The following PIK3CB variants were observed in gnomAD, a reference collection of about 807,000 sequenced individuals.
PIK3CB encodes the protein phosphatidylinositol 4,5-bisphosphate 3-kinase catalytic subunit beta isoform.
A neutral mutation model predicts 136.8 loss-of-function variants in PIK3CB; 39 were observed. The observed-to-expected ratio is 0.29, with a 90% CI of 0.22 to 0.37. The LOEUF (loss-of-function observed/expected upper bound fraction) is 0.37, where lower values mean the gene tolerates loss of function less well. PIK3CB is among the 10% of genes least tolerant of loss of function. PIK3CB has a pLI of 1.00. For synonymous variants in PIK3CB, 428 were observed against 436.6 expected, an observed-to-expected ratio of 0.98 and a Z score of 0.25; for missense variants, 868 against 1,275.4, an observed-to-expected ratio of 0.68 and a Z score of 4.87.
At chr3:138,669,405 T>C (rs361093) in intron 19 of PIK3CB, among the ~76,000 whole-genome samples, 69,854 of 116,930 alleles carry the variant, frequency 0.6, 20,804 homozygotes, top group East Asian at 0.98. Flanking sequence ...GAGACCCTGT[T>C]TCAAAAAAAA....
In PIK3CB at chr3:138,826,039, T is replaced by C; in HGVS notation, c.-122+8656A>G. ...CCACTGTACTGGATTGTCACACAGC[T>C]TACACAGCTTGCAAGTTTGCTGACC... On this transcript the variant is annotated intron_variant, in intron 1 of 23. Coordinates refer to ENST00000674063, the MANE Select transcript of PIK3CB (RefSeq NM_006219.3). 6 of 1,325,656 alleles carry C rather than the reference T, an allele frequency of 4.5e-6. No homozygotes were observed. The South Asian group carries it at 7.4e-5, about 16-fold the overall frequency. The allele number at this position is 1,325,656 out of a possible 1,614,324, so 82.1% of individuals were successfully genotyped here. A position where few individuals can be genotyped will look rare whatever the true frequency, so the allele number is the denominator to read the frequency against.
intron 21 of PIK3CB, among the ~76,000 whole-genome samples, chr3:138,662,117 T>C (rs1330720427): frequency 3.3e-5 from 5 of 151,710 alleles, no homozygotes; most frequent in Non-Finnish European, 5.9e-5. Context: ...GGTAATCTTT[T>C]TTTTTTTTTT....
chr3:138,693,936 AAT>A (rs1179221176), intron 14 of PIK3CB, among the ~76,000 whole-genome samples: 7,297 of 64,286 alleles, frequency 0.11, 563 homozygotes, highest in South Asian at 0.26. Context: ...ATTTGCTTAA[AAT>A]ATATATATAT....
At chr3:138,829,887 T>A (rs189261238) in intron 1 of PIK3CB, among the ~76,000 whole-genome samples, 115 of 152,144 alleles carry the variant, frequency 7.6e-4, no homozygotes, top group African/African-American at 2.6e-3. Context: ...ACAGACGAAA[T>A]GAAGGTGTCA....
At chr3:138,787,658 CA>C (rs2045996663) in intron 2 of PIK3CB, among the ~76,000 whole-genome samples, 1 of 149,276 alleles carries the variant, frequency 6.7e-6, no homozygotes, top group Non-Finnish European at 1.5e-5. Context: ...TCAGTAAACA[CA>C]AAAGTGAAAA....
At chr3:138,717,055 A>T (rs577642207) in intron 8 of PIK3CB, among the ~76,000 whole-genome samples, 1 of 151,840 alleles carries the variant, frequency 6.6e-6, no homozygotes, top group East Asian at 1.9e-4. Flanking sequence ...AGAGATCAAG[A>T]CCATCCTGGC....
rs2045609892 is a variant in PIK3CB, at chr3:138,758,356, A to T, written c.171+817T>A. 2.0e-5 allele frequency among the ~76,000 whole-genome samples: 3 copies of T among 152,344 alleles called. No individual in the cohort carries two copies. In the South Asian group the frequency reaches 6.2e-4, roughly 32 times the overall value. On this transcript the variant is annotated intron_variant, in intron 3 of 23. Transcript: ENST00000674063. ...TGCACAGCACTGTGAATGCACACCT[A>T]AAAATGTCTAAATAGTAAATTCCAG...
chr3:138,682,776 G>A (rs926358682), intron 18 of PIK3CB, among the ~76,000 whole-genome samples: 1 of 152,140 alleles, frequency 6.6e-6, no homozygotes, highest in East Asian at 1.9e-4. Context: ...CACATATTCT[G>A]ATAAGCACAT....
At chr3:138,815,443 A>G (rs772148242) in intron 1 of PIK3CB, among the ~76,000 whole-genome samples, 2 of 147,918 alleles carry the variant, frequency 1.4e-5, no homozygotes, top group African/African-American at 2.4e-5. Flanking sequence ...AAAAAAAAAG[A>G]AGAAAGAGAA....
chr3:138,753,108 T>C (rs1234794566), intron 4 of PIK3CB, among the ~76,000 whole-genome samples: 2 of 152,166 alleles, frequency 1.3e-5, no homozygotes, highest in Admixed American at 6.5e-5. Flanking sequence ...ACTCAGCTAC[T>C]CAGGAAGCTG....
intron 1 of PIK3CB, among the ~76,000 whole-genome samples, chr3:138,822,623 C>T (rs1933605435): frequency 1.3e-5 from 2 of 149,538 alleles, no homozygotes; most frequent in South Asian, 2.1e-4. Context: ...GGGTGGATCA[C>T]CTGAGGTCAG....
intron 2 of PIK3CB, among the ~76,000 whole-genome samples, chr3:138,781,054 C>T (rs2045917678): frequency 6.6e-6 from 1 of 152,074 alleles, no homozygotes; most frequent in Non-Finnish European, 1.5e-5. Flanking sequence ...CTCTGGGAGG[C>T]CAAGGCAGGA....
chr3:138,701,798 A>G (rs1190940010), intron 12 of PIK3CB, among the ~76,000 whole-genome samples: 3 of 150,968 alleles, frequency 2.0e-5, no homozygotes, highest in African/African-American at 4.9e-5. Context: ...AAAAAAAAAA[A>G]AAAGAAAAAG....
At chr3:138,831,982 T>C (rs1428632660) in intron 1 of PIK3CB, among the ~76,000 whole-genome samples, 1 of 152,022 alleles carries the variant, frequency 6.6e-6, no homozygotes, top group Non-Finnish European at 1.5e-5. Flanking sequence ...GCCCCAGCTG[T>C]TTTTACCCAG....
chr3:138,778,890 C>G (rs2045890243), intron 2 of PIK3CB: 1 of 156,892 alleles, frequency 6.4e-6, no homozygotes, highest in African/African-American at 2.4e-5. Context: ...ACTCAGTCCC[C>G]CGCCATCACA....
chr3:138,672,878 C>T (rs981271121), intron 19 of PIK3CB, among the ~76,000 whole-genome samples: 12 of 142,442 alleles, frequency 8.4e-5, no homozygotes, highest in African/African-American at 2.9e-4. Context: ...TGCCACTGCA[C>T]TCCAGCCTGG....
At chr3:138,691,282 T>C in intron 14 of PIK3CB, 139 bp from the exon 15 acceptor site, 1 of 698,314 alleles carries the variant, frequency 1.4e-6, no homozygotes, top group Non-Finnish European at 2.4e-6. Context: ...TTTCCTTCAC[T>C]GTACCACTGT....
At chr3:138,797,994 A>G (rs2046127386) in intron 1 of PIK3CB, among the ~76,000 whole-genome samples, 1 of 152,084 alleles carries the variant, frequency 6.6e-6, no homozygotes, top group African/African-American at 2.4e-5. Context: ...TACTCTATGG[A>G]AAGATTTTCT....
intron 7 of PIK3CB, 122 bp downstream of exon 7, chr3:138,734,512 G>A: frequency 7.0e-6 from 4 of 575,258 alleles, no homozygotes; most frequent in Non-Finnish European, 1.1e-5. Context: ...ATCGATTTTT[G>A]GCAAATATGT....
Sources: gnomAD v4.1 joint callset for allele counts (sites outside exome capture counted in the v4.1 genomes callset) on GRCh38, gnomAD v4.1.1 for gene constraint, MANE v1.5 for transcripts, NCBI Gene and HGNC (gene_info 2026-07-23, HGNC 2026-07-21) for gene names.